The following FSHR variants were observed in gnomAD, a reference collection of about 807,000 sequenced individuals.
The protein encoded by FSHR is follicle-stimulating hormone receptor.
FSHR carries 46 observed loss-of-function variants against 52.1 expected under a neutral mutation model. The observed-to-expected ratio is 0.88, with a 90% confidence interval of 0.70 to 1.13. The LOEUF (loss-of-function observed/expected upper bound fraction) is 1.13, where lower values mean the gene tolerates loss of function less well. FSHR is among the 50% of genes most tolerant of loss of function. FSHR has a pLI of 0.00. For missense variants in FSHR, 964 were observed against 834.6 expected (o/e 1.16, Z -1.91); for synonymous variants, 399 against 309.6 (o/e 1.29, Z -3.03).
chr2:49,026,884 A>G (rs1380094791), intron 2 of FSHR, among the ~76,000 whole-genome samples: 1 of 151,878 alleles, frequency 6.6e-6, no homozygotes, highest in Non-Finnish European at 1.5e-5. Context: ...CTCAGTTAGG[A>G]CCTCTCTGCT....
intron 1 of FSHR, among the ~76,000 whole-genome samples, chr2:49,104,229 G>C (rs764096354): frequency 2.6e-5 from 4 of 152,092 alleles, no homozygotes; most frequent in Non-Finnish European, 4.4e-5. Flanking sequence ...CTTTTCTTCA[G>C]CCTCTCAGCA....
rs114600538 is a variant in FSHR, at chr2:49,048,423, G to A, written c.224+19796C>T. On this transcript the variant is annotated intron_variant, in intron 2 of 9. Transcript: ENST00000406846. ...CTAACTCTGTGCTAGGTGCTTTCGA[G>A]GAATATGGGAAGAGGGAAAGGGCAG... Among the ~76,000 whole-genome samples the A allele has an allele frequency of 4.5e-3, 688 of 152,190 alleles. 5 individuals carry two copies. Among genetic ancestry groups the A allele is most frequent in the African/African-American group, 0.016 (653 of 41,512 alleles).
chr2:49,147,659 C>A (rs918721574), intron 1 of FSHR, among the ~76,000 whole-genome samples: 4 of 152,002 alleles, frequency 2.6e-5, no homozygotes, highest in Admixed American at 6.6e-5. Context: ...TTAAAGGATT[C>A]TTTCCCTGCA....
intron 2 of FSHR, among the ~76,000 whole-genome samples, chr2:49,021,863 C>CTATATATATATATATA (rs1224896244): frequency 1.0e-4 from 5 of 49,866 alleles, no homozygotes; most frequent in African/African-American, 2.5e-4. Flanking sequence ...CTCTCTCTCT[C>CTATATATATATATATA]TATATATATA....
chr2:49,145,436 A>G (rs1437909013), intron 1 of FSHR, among the ~76,000 whole-genome samples: 2 of 152,058 alleles, frequency 1.3e-5, no homozygotes, highest in African/African-American at 2.4e-5. Context: ...GTGGCCCTAT[A>G]TAGCCCCTGA....
Position 49,124,969 on chromosome 2 carries a change from T to C in FSHR, c.152+29297A>G, listed in dbSNP as rs371362119. ...ATCCCTGTCCACTCATCCATTCCTG[T>C]CACCTGTCACTAACTTGTTTGTTGT... On this transcript the variant is annotated intron_variant, in intron 1 of 9. Transcript: ENST00000406846. Among the ~76,000 whole-genome samples the C allele has an allele frequency of 3.2e-4, 49 of 152,360 alleles. 1 individual carries two copies. In the East Asian group the frequency reaches 9.1e-3, roughly 28 times the overall value.
intron 2 of FSHR, among the ~76,000 whole-genome samples, chr2:49,042,243 C>T (rs1206869739): frequency 3.3e-5 from 5 of 152,088 alleles, no homozygotes; most frequent in African/African-American, 4.8e-5. Context: ...AATTTTTTTC[C>T]CCCGAGTGAC....
chr2:49,087,525 C>A (rs552109967), intron 1 of FSHR, among the ~76,000 whole-genome samples: 1 of 152,074 alleles, frequency 6.6e-6, no homozygotes, highest in Non-Finnish European at 1.5e-5. Flanking sequence ...CCCTAATTAG[C>A]TTATGTTCTA....
intron 1 of FSHR, among the ~76,000 whole-genome samples, chr2:49,117,728 G>A (rs957331383): frequency 2.0e-5 from 3 of 152,116 alleles, no homozygotes; most frequent in South Asian, 2.1e-4. Context: ...CTCCTGCCTC[G>A]CTTTCCGTTT....
chr2:48,992,597 CT>C (rs1675835622), intron 4 of FSHR, among the ~76,000 whole-genome samples: 1 of 152,052 alleles, frequency 6.6e-6, no homozygotes. Flanking sequence ...ATTTTTGGTT[CT>C]CATGAAGGTG....
chr2:49,028,363 A>G (rs1295036213), intron 2 of FSHR, among the ~76,000 whole-genome samples: 1 of 152,192 alleles, frequency 6.6e-6, no homozygotes, highest in South Asian at 2.1e-4. Context: ...GTTGACACAC[A>G]TGTGTGAGTG....
intron 1 of FSHR, among the ~76,000 whole-genome samples, chr2:49,076,736 A>G (rs1271643633): frequency 1.3e-5 from 2 of 152,198 alleles, no homozygotes; most frequent in African/African-American, 2.4e-5. Context: ...CCTAGATACA[A>G]TGGGGTAGAG....
chr2:49,050,753 T>C (rs1381972343), intron 2 of FSHR, among the ~76,000 whole-genome samples: 2 of 152,202 alleles, frequency 1.3e-5, no homozygotes, highest in Non-Finnish European at 2.9e-5. Flanking sequence ...ATTTTAAAAA[T>C]CAACTTTGTT....
chr2:49,111,694 C>T (rs542754178), intron 1 of FSHR, among the ~76,000 whole-genome samples: 1 of 152,234 alleles, frequency 6.6e-6, no homozygotes, highest in Non-Finnish European at 1.5e-5. Context: ...GCAGCTGGTG[C>T]TCCCCACGGC....
intron 2 of FSHR, among the ~76,000 whole-genome samples, chr2:49,042,859 G>C (rs1668525881): frequency 6.6e-6 from 1 of 152,152 alleles, no homozygotes; most frequent in Admixed American, 6.6e-5. Context: ...ATAGAGGATT[G>C]CTAAGGGGCA....
At chr2:49,097,559 G>T (rs1472213972) in intron 1 of FSHR, among the ~76,000 whole-genome samples, 1 of 152,164 alleles carries the variant, frequency 6.6e-6, no homozygotes, top group South Asian at 2.1e-4. Flanking sequence ...GGAATGAAGT[G>T]AAGATTTTCA....
intron 1 of FSHR, among the ~76,000 whole-genome samples, chr2:49,151,412 G>A (rs1173277998): frequency 2.0e-5 from 3 of 152,188 alleles, no homozygotes; most frequent in African/African-American, 7.2e-5. Flanking sequence ...AATAGTAGGA[G>A]CCCCTTAGTA....
intron 1 of FSHR, among the ~76,000 whole-genome samples, chr2:49,090,056 G>A (rs1007603722): frequency 9.2e-5 from 14 of 152,046 alleles, no homozygotes; most frequent in East Asian, 5.8e-4. Context: ...ACATGATCTT[G>A]CTTTTAGTTC....
chr2:49,134,273 T>C (rs530078696), intron 1 of FSHR, among the ~76,000 whole-genome samples: 1 of 152,284 alleles, frequency 6.6e-6, no homozygotes, highest in African/African-American at 2.4e-5. Context: ...CAGACACTTC[T>C]CAAAAGAAGA....
Sources: gnomAD v4.1 joint callset for allele counts (sites outside exome capture counted in the v4.1 genomes callset) on GRCh38, gnomAD v4.1.1 for gene constraint, MANE v1.5 for transcripts, NCBI Gene and HGNC (gene_info 2026-07-23, HGNC 2026-07-21) for gene names.